The following TMEM161B variants were observed in gnomAD, a reference collection of about 807,000 sequenced individuals.
The protein encoded by TMEM161B is transmembrane protein 161B.
TMEM161B carries 34 observed loss-of-function variants against 61.8 expected under a neutral mutation model. That is an observed-to-expected ratio of 0.55 (90% confidence interval 0.42 to 0.73). TMEM161B has a LOEUF of 0.73. Ranked by LOEUF, TMEM161B falls within the 30% of genes least tolerant of loss-of-function variation. The pLI is 0.00. For synonymous variants in TMEM161B, 167 were observed against 192.8 expected (o/e 0.87, Z 1.11); for missense variants, 456 against 558.5 (o/e 0.82, Z 1.85).
chr5:88,188,208 G>A (rs927281174), downstream of TMEM161B, among the ~76,000 whole-genome samples: 33 of 152,016 alleles, frequency 2.2e-4, no homozygotes, highest in African/African-American at 7.7e-4. Flanking sequence ...AGGTTCAAGC[G>A]ATTCTCCTGC....
rs202011902 is a variant in TMEM161B, at chr5:88,224,959, G to GTTTTTTTTTTTTTTTTTTTTTTT, written c.289+809_289+810insAAAAAAAAAAAAAAAAAAAAAAA. On this transcript the variant is annotated intron_variant, in intron 4 of 11. Transcript: ENST00000296595. ...ATAATACACATAACACACAAAATAT[G>GTTTTTTTTTTTTTTTTTTTTTTT]TTTTTGTTTTTTTTTTTTTTTTTTT... Among the ~76,000 whole-genome samples, 14 of 101,200 alleles carry GTTTTTTTTTTTTTTTTTTTTTTT rather than the reference G, an allele frequency of 1.4e-4. 5 individuals carry two copies. The highest frequency in any genetic ancestry group is 7.7e-5 in the Non-Finnish European group (4 of 52,286). The allele number at this position is 101,200 out of a possible 152,430, so 66.4% of individuals were successfully genotyped here.
intron 5 of TMEM161B, among the ~76,000 whole-genome samples, chr5:88,216,322 A>G (rs1252789417): frequency 2.6e-5 from 4 of 152,254 alleles, no homozygotes; most frequent in African/African-American, 7.2e-5. Flanking sequence ...AACATGACAT[A>G]TAATCAGCTC....
chr5:88,268,259 C>T (rs1257454147), intron 1 of TMEM161B, among the ~76,000 whole-genome samples: 1 of 152,154 alleles, frequency 6.6e-6, no homozygotes. Flanking sequence ...AAGGGGACTA[C>T]CGTTTCTTTA....
intron 5 of TMEM161B, among the ~76,000 whole-genome samples, chr5:88,213,572 CTTTTATTTTCAGAAAAAT>C (rs1747275541): frequency 4.9e-5 from 2 of 40,504 alleles, no homozygotes; most frequent in Non-Finnish European, 1.1e-4. Context: ...AGAAAACTAT[CTTTTATTTTCAGAAAAAT>C]TTTTATTTTC....
At chr5:88,255,669 T>C (rs1754899823) in intron 1 of TMEM161B, among the ~76,000 whole-genome samples, 1 of 152,216 alleles carries the variant, frequency 6.6e-6, no homozygotes, top group African/African-American at 2.4e-5. Context: ...ATTAATTGGG[T>C]TTGTCAGCAC....
intron 2 of TMEM161B, among the ~76,000 whole-genome samples, chr5:88,236,652 GAA>G (rs1300986992): frequency 3.3e-5 from 5 of 152,182 alleles, no homozygotes; most frequent in Non-Finnish European, 7.4e-5. Flanking sequence ...GAAGGAAAGA[GAA>G]AGAGACAGTG....
downstream of TMEM161B, among the ~76,000 whole-genome samples, chr5:88,193,893 T>C (rs1234296209): frequency 6.6e-6 from 1 of 152,148 alleles, no homozygotes; most frequent in African/African-American, 2.4e-5. Flanking sequence ...CAAAATATAT[T>C]TGAAATGCTT....
In TMEM161B at chr5:88,195,191, A is replaced by T; in HGVS notation, c.*1020T>A. On this transcript the variant is annotated 3_prime_UTR_variant, in exon 12 of 12. Transcript: ENST00000296595. ...CACTCACACATAGGCAACACAAATA[A>T]ATTGCTTACTCTGCTGAACTTTCAA... 1 of 984,910 alleles carries T rather than the reference A, an allele frequency of 1.0e-6. No homozygotes were observed. The highest frequency in any genetic ancestry group is 1.2e-6 in the Non-Finnish European group (1 of 829,248). 61.0% of individuals were successfully genotyped at this position (984,910 alleles called of 1,614,324 possible).
intron 5 of TMEM161B, among the ~76,000 whole-genome samples, chr5:88,214,779 T>G (rs2112481170): frequency 6.6e-6 from 1 of 152,282 alleles, no homozygotes; most frequent in African/African-American, 2.4e-5. Context: ...TGGTTAGAAT[T>G]ACAAATGAGA....
downstream of TMEM161B, among the ~76,000 whole-genome samples, chr5:88,191,761 T>C (rs993307164): frequency 6.6e-6 from 1 of 151,036 alleles, no homozygotes; most frequent in Admixed American, 6.6e-5. Flanking sequence ...ATCGAGACCA[T>C]CCTGGCTAAC....
At chr5:88,265,317 T>C (rs1262717735) in intron 1 of TMEM161B, among the ~76,000 whole-genome samples, 1 of 152,172 alleles carries the variant, frequency 6.6e-6, no homozygotes, top group African/African-American at 2.4e-5. Context: ...TGGAAGACGA[T>C]TTTTTCACAC....
chr5:88,208,885 C>A (rs747097962), intron 5 of TMEM161B, among the ~76,000 whole-genome samples: 12 of 152,064 alleles, frequency 7.9e-5, no homozygotes, highest in Non-Finnish European at 1.6e-4. Flanking sequence ...AACAGAACTG[C>A]CCTGACAGAA....
intron 8 of TMEM161B, among the ~76,000 whole-genome samples, chr5:88,203,638 C>T (rs114170679): frequency 0.037 from 5,616 of 151,026 alleles, 140 homozygotes; most frequent in African/African-American, 0.083. Context: ...AACCTTTTAA[C>T]GTGTAATGAT....
intron 5 of TMEM161B, among the ~76,000 whole-genome samples, chr5:88,217,133 G>A (rs1474339248): frequency 6.6e-6 from 1 of 152,166 alleles, no homozygotes; most frequent in Admixed American, 6.5e-5. Context: ...GCACGTGCCT[G>A]TAACTCTCAG....
intron 5 of TMEM161B, among the ~76,000 whole-genome samples, chr5:88,212,220 G>C (rs1746950351): frequency 6.6e-6 from 1 of 152,102 alleles, no homozygotes; most frequent in South Asian, 2.1e-4. Context: ...AATGCCAACA[G>C]AAAGAGTATA....
chr5:88,212,772 C>T (rs1402195139), intron 5 of TMEM161B, among the ~76,000 whole-genome samples: 1 of 152,158 alleles, frequency 6.6e-6, no homozygotes, highest in Admixed American at 6.5e-5. Context: ...GAGGCTGCAA[C>T]GAGTCAAGAC....
intron 1 of TMEM161B, among the ~76,000 whole-genome samples, chr5:88,241,213 A>C (rs1223718565): frequency 6.6e-6 from 1 of 151,830 alleles, no homozygotes; most frequent in Non-Finnish European, 1.5e-5. Context: ...TCTAGAGACG[A>C]TTTCAAGTAT....
intron 1 of TMEM161B, among the ~76,000 whole-genome samples, chr5:88,263,589 C>A (rs771725724): frequency 1.3e-5 from 2 of 152,052 alleles, no homozygotes; most frequent in Non-Finnish European, 1.5e-5. Flanking sequence ...TAAAAAGTTC[C>A]TTTGAGACAA....
chr5:88,243,604 G>A (rs1753103480), intron 1 of TMEM161B, among the ~76,000 whole-genome samples: 1 of 151,752 alleles, frequency 6.6e-6, no homozygotes. Flanking sequence ...TCCTTCGAAT[G>A]TATATCCAAT....
Sources: gnomAD v4.1 joint callset for allele counts (sites outside exome capture counted in the v4.1 genomes callset) on GRCh38, gnomAD v4.1.1 for gene constraint, MANE v1.5 for transcripts, NCBI Gene and HGNC (gene_info 2026-07-23, HGNC 2026-07-21) for gene names.